Variants in SOBP observed in about 807,000 individuals in gnomAD.
SOBP encodes sine oculis-binding protein homolog.
A neutral mutation model predicts 53.6 loss-of-function variants in SOBP; 4 were observed. That is an observed-to-expected ratio of 0.07 (90% CI 0.04 to 0.17). The LOEUF is 0.17. Ranked by LOEUF, SOBP falls within the 10% of genes least tolerant of loss-of-function variation. SOBP has a pLI of 1.00. For missense variants in SOBP, 1,088 were observed against 1,204.7 expected (o/e 0.90, Z 1.43); for synonymous variants, 584 against 522.6 (o/e 1.12, Z -1.60).
At chr6:107,556,590 A>G (rs915683089) in intron 4 of SOBP, among the ~76,000 whole-genome samples, 8 of 152,226 alleles carry the variant, frequency 5.3e-5, no homozygotes, top group Non-Finnish European at 1.0e-4. Context: ...AATTGGCTTG[A>G]CAAAATGGCA....
chr6:107,557,554 G>A (rs754483465), intron 4 of SOBP, among the ~76,000 whole-genome samples: 4 of 152,140 alleles, frequency 2.6e-5, no homozygotes, highest in African/African-American at 4.8e-5. Flanking sequence ...TATCAGACTC[G>A]GTCAATATAA....
At chr6:107,606,111 C>T (rs1786368264) in intron 5 of SOBP, among the ~76,000 whole-genome samples, 1 of 109,902 alleles carries the variant, frequency 9.1e-6, no homozygotes. Context: ...GAGTCTCATT[C>T]TATCTCCCAG....
At chr6:107,625,769 T>C (rs1770434274) in intron 5 of SOBP, among the ~76,000 whole-genome samples, 1 of 152,248 alleles carries the variant, frequency 6.6e-6, no homozygotes. Context: ...GTCCTCTTAC[T>C]TGATGTCTGC....
At chr6:107,643,892 CTTATT>C (rs1184044541) in intron 6 of SOBP, among the ~76,000 whole-genome samples, 1 of 152,194 alleles carries the variant, frequency 6.6e-6, no homozygotes, top group African/African-American at 2.4e-5. Flanking sequence ...GTAGAATCAG[CTTATT>C]TTATTATTTT....
At chr6:107,512,375 A>G (rs772012540) in intron 3 of SOBP, among the ~76,000 whole-genome samples, 3 of 152,228 alleles carry the variant, frequency 2.0e-5, no homozygotes, top group Non-Finnish European at 4.4e-5. Context: ...CATGGATTGT[A>G]AGAACTGTGC....
At chr6:107,504,304 A>G (rs1369150483) in intron 2 of SOBP, among the ~76,000 whole-genome samples, 1 of 152,166 alleles carries the variant, frequency 6.6e-6, no homozygotes, top group African/African-American at 2.4e-5. Flanking sequence ...GCCCCCACGC[A>G]CTTGAATAGG....
At chr6:107,545,200 A>G (rs1432921511) in intron 4 of SOBP, among the ~76,000 whole-genome samples, 1 of 152,230 alleles carries the variant, frequency 6.6e-6, no homozygotes, top group Non-Finnish European at 1.5e-5. Context: ...AGCCACAGAA[A>G]GGGCAGATAC....
chr6:107,547,828 T>G (rs1364534031), intron 4 of SOBP, among the ~76,000 whole-genome samples: 5 of 152,218 alleles, frequency 3.3e-5, no homozygotes, highest in Non-Finnish European at 7.3e-5. Flanking sequence ...GTTCCTGGTC[T>G]TGCAGTTAAG....
At chr6:107,602,295 T>TA (rs980697950) in intron 5 of SOBP, among the ~76,000 whole-genome samples, 56 of 152,304 alleles carry the variant, frequency 3.7e-4, no homozygotes, top group African/African-American at 1.3e-3. Flanking sequence ...GGAGAACTGT[T>TA]AAAGTGTTTC....
intron 5 of SOBP, among the ~76,000 whole-genome samples, chr6:107,598,621 G>T (rs1786037211): frequency 6.6e-6 from 1 of 152,122 alleles, no homozygotes; most frequent in Non-Finnish European, 1.5e-5. Flanking sequence ...AGGAATCTCT[G>T]TTAGGTACCT....
rs546386884 is a variant in SOBP, at chr6:107,660,668, A to C, written c.*2465A>C. 1.1e-4 allele frequency among the ~76,000 whole-genome samples: 17 copies of C among 152,308 alleles called. No individual in the cohort carries two copies. Among genetic ancestry groups the C allele is most frequent in the Middle Eastern group, 3.4e-3 (1 of 294 alleles). On this transcript the variant is annotated 3_prime_UTR_variant, in exon 7 of 7. Transcript: ENST00000317357. ...TTGATACCTGAGTTAAATATCAGAA[A>C]GTTCCTAAGGTGGAAAGTATGCTAA...
intron 5 of SOBP, chr6:107,621,101 G>T: frequency 1.2e-6 from 1 of 814,420 alleles, no homozygotes; most frequent in Middle Eastern, 6.2e-4. Context: ...CAGATTTCTG[G>T]TGAGTGATAT....
intron 4 of SOBP, among the ~76,000 whole-genome samples, chr6:107,541,686 A>C (rs1784151092): frequency 6.6e-6 from 1 of 152,198 alleles, no homozygotes; most frequent in African/African-American, 2.4e-5. Flanking sequence ...GTTATCTTAT[A>C]ATCTGTTTTG....
chr6:107,626,443 C>T (rs868363144), intron 5 of SOBP, among the ~76,000 whole-genome samples: 2 of 152,170 alleles, frequency 1.3e-5, no homozygotes, highest in Non-Finnish European at 1.5e-5. Context: ...AATAGAAGAT[C>T]GGTTTTCTCT....
chr6:107,629,124 T>A (rs1180770200), intron 5 of SOBP, among the ~76,000 whole-genome samples: 2 of 152,218 alleles, frequency 1.3e-5, no homozygotes, highest in African/African-American at 4.8e-5. Flanking sequence ...TCTGAGCTGT[T>A]ACCTAGGAGA....
At chr6:107,567,319 A>C (rs1784946956) in intron 4 of SOBP, among the ~76,000 whole-genome samples, 1 of 152,204 alleles carries the variant, frequency 6.6e-6, no homozygotes, top group South Asian at 2.1e-4. Context: ...ATCCTTATTG[A>C]AATCTTACCT....
chr6:107,640,792 T>A (rs1771273171), intron 6 of SOBP, among the ~76,000 whole-genome samples: 1 of 152,206 alleles, frequency 6.6e-6, no homozygotes. Flanking sequence ...CCCATAACCT[T>A]CCATCTTCAG....
intron 1 of SOBP, among the ~76,000 whole-genome samples, chr6:107,502,001 GC>G (rs1782853886): frequency 6.6e-6 from 1 of 152,140 alleles, no homozygotes; most frequent in South Asian, 2.1e-4. Flanking sequence ...AATTGTTAAT[GC>G]ACTGTACCAT....
intron 4 of SOBP, among the ~76,000 whole-genome samples, chr6:107,553,439 C>T (rs1455116242): frequency 6.6e-6 from 1 of 151,562 alleles, no homozygotes; most frequent in Non-Finnish European, 1.5e-5. Flanking sequence ...AGTGATTCTC[C>T]TGCCTCAGCG....
Sources: allele counts gnomAD v4.1 joint callset (sites outside exome capture counted in the v4.1 genomes callset), GRCh38; gene constraint gnomAD v4.1.1; transcripts MANE v1.5; gene names NCBI Gene and HGNC (gene_info 2026-07-23, HGNC 2026-07-21).